NRXN1: variants seen among roughly 807,000 people sequenced by gnomAD.
NRXN1 encodes neurexin 1, also known as neurexin-1.
Under a neutral mutation model 150.9 loss-of-function variants are expected in NRXN1, and 39 were observed. The observed-to-expected ratio is 0.26, with a 90% CI of 0.20 to 0.34. The LOEUF (loss-of-function observed/expected upper bound fraction) is 0.34. Ranked by LOEUF, NRXN1 falls within the 10% of genes least tolerant of loss-of-function variation. NRXN1 has a pLI of 1.00. For missense variants in NRXN1, 1,815 were observed against 1,949.9 expected (o/e 0.93, Z 1.30); for synonymous variants, 924 against 757.0 (o/e 1.22, Z -3.62).
intron 5 of NRXN1, among the ~76,000 whole-genome samples, chr2:50,712,742 A>C (rs1276856911): frequency 6.6e-6 from 1 of 152,106 alleles, no homozygotes; most frequent in African/African-American, 2.4e-5. Context: ...CTGCCCTGTG[A>C]GCTTGGCAGC....
intron 19 of NRXN1, among the ~76,000 whole-genome samples, chr2:50,084,252 CTG>C (rs1698439692): frequency 6.6e-6 from 1 of 152,198 alleles, no homozygotes; most frequent in East Asian, 1.9e-4. Flanking sequence ...GTGGATGAGA[CTG>C]GGTGCCGCGG....
chr2:50,420,961 C>CGTGT, intron 17 of NRXN1, among the ~76,000 whole-genome samples: 1 of 115,550 alleles, frequency 8.7e-6, no homozygotes, highest in East Asian at 2.4e-4. Context: ...TCAAAATAGA[C>CGTGT]CTGTGTGTGT....
At chr2:50,061,418 G>A (rs1390670083) in intron 19 of NRXN1, among the ~76,000 whole-genome samples, 1 of 152,170 alleles carries the variant, frequency 6.6e-6, no homozygotes, top group African/African-American at 2.4e-5. Context: ...GTCAGTGTAA[G>A]CAGGCTTAAG....
chr2:51,019,635 T>C (rs991851642), intron 2 of NRXN1, among the ~76,000 whole-genome samples: 1 of 152,140 alleles, frequency 6.6e-6, no homozygotes. Context: ...AAGTATTTAC[T>C]GAACTCTTAC....
chr2:49,961,707 A>G (rs770700201), intron 21 of NRXN1, among the ~76,000 whole-genome samples: 3 of 152,098 alleles, frequency 2.0e-5, no homozygotes, highest in Non-Finnish European at 4.4e-5. Flanking sequence ...TTGCTGATAC[A>G]GTAGAAAAGT....
At chr2:50,997,189 T>G (rs1391541119) in intron 2 of NRXN1, among the ~76,000 whole-genome samples, 1 of 151,968 alleles carries the variant, frequency 6.6e-6, no homozygotes, top group African/African-American at 2.4e-5. Flanking sequence ...GTTTATTATG[T>G]CTTGGCCTTC....
intron 2 of NRXN1, among the ~76,000 whole-genome samples, chr2:50,989,839 G>A (rs1250845954): frequency 6.6e-6 from 1 of 152,036 alleles, no homozygotes; most frequent in Non-Finnish European, 1.5e-5. Context: ...ATATGTAGGA[G>A]TAGCATTGCT....
At chr2:50,182,251 C>G (rs1433063443) in intron 18 of NRXN1, among the ~76,000 whole-genome samples, 1 of 151,596 alleles carries the variant, frequency 6.6e-6, no homozygotes, top group African/African-American at 2.4e-5. Flanking sequence ...TCTTTTTCTT[C>G]TCTCCTATTC....
intron 18 of NRXN1, among the ~76,000 whole-genome samples, chr2:50,116,034 G>C (rs766233870): frequency 2.0e-4 from 31 of 152,050 alleles, no homozygotes; most frequent in Admixed American, 2.0e-4. Flanking sequence ...TGAAGACATA[G>C]ATTGAAATTA....
At chr2:50,818,781 CAAT>C (rs1290275657) in intron 5 of NRXN1, among the ~76,000 whole-genome samples, 16 of 151,910 alleles carry the variant, frequency 1.1e-4, no homozygotes, top group Non-Finnish European at 1.8e-4. Context: ...TATAAGAAAT[CAAT>C]AACCAAAATA....
intron 11 of NRXN1, among the ~76,000 whole-genome samples, chr2:50,530,788 C>A (rs1467629063): frequency 2.0e-5 from 3 of 152,166 alleles, no homozygotes; most frequent in African/African-American, 7.2e-5. Flanking sequence ...AGAGTAAGAA[C>A]AGCTCTTGAT....
chr2:50,946,439 G>T (rs1690406261), intron 2 of NRXN1, among the ~76,000 whole-genome samples: 1 of 152,038 alleles, frequency 6.6e-6, no homozygotes, highest in South Asian at 2.1e-4. Flanking sequence ...TTTATCTTGT[G>T]GGTGAAGCCA....
At chr2:50,078,550 T>A (rs1697433587) in intron 19 of NRXN1, among the ~76,000 whole-genome samples, 1 of 152,082 alleles carries the variant, frequency 6.6e-6, no homozygotes, top group South Asian at 2.1e-4. Flanking sequence ...TAATGTCCTT[T>A]TTCTATTGCA....
intron 19 of NRXN1, among the ~76,000 whole-genome samples, chr2:50,064,487 CA>C (rs1205079804): frequency 6.7e-5 from 10 of 150,228 alleles, no homozygotes; most frequent in Non-Finnish European, 1.5e-4. Flanking sequence ...TTGATTTGGT[CA>C]GGGGGAAATT....
At chr2:50,145,966 G>GA (rs534830332) in intron 18 of NRXN1, among the ~76,000 whole-genome samples, 30 of 148,390 alleles carry the variant, frequency 2.0e-4, no homozygotes, top group Middle Eastern at 3.4e-3. Context: ...CAAATAGCCA[G>GA]AAAAAAAAAA....
chr2:50,853,457 G>C (rs1195060063), intron 5 of NRXN1, among the ~76,000 whole-genome samples: 4 of 152,036 alleles, frequency 2.6e-5, no homozygotes, highest in African/African-American at 7.2e-5. Flanking sequence ...CGTTTTACTT[G>C]CAAATTTACA....
intron 8 of NRXN1, among the ~76,000 whole-genome samples, chr2:50,579,717 T>C (rs1470752247): frequency 6.6e-6 from 1 of 152,128 alleles, no homozygotes. Flanking sequence ...GTTCACTGTA[T>C]AATGAATACA....
At chr2:50,334,088 C>T (rs1053079649) in intron 17 of NRXN1, among the ~76,000 whole-genome samples, 7 of 151,468 alleles carry the variant, frequency 4.6e-5, no homozygotes, top group African/African-American at 1.7e-4. Context: ...ATATGCTCCT[C>T]TCTGGCAACT....
chr2:50,619,945 A>G, intron 8 of NRXN1, 77 bp downstream of exon 8: 1 of 1,344,606 alleles, frequency 7.4e-7, no homozygotes, highest in Non-Finnish European at 9.9e-7. Flanking sequence ...TCGGGTCTTC[A>G]GCAAAGGTGC....
Sources: gnomAD v4.1 joint callset for allele counts (sites outside exome capture counted in the v4.1 genomes callset) on GRCh38, gnomAD v4.1.1 for gene constraint, MANE v1.5 for transcripts, NCBI Gene and HGNC (gene_info 2026-07-23, HGNC 2026-07-21) for gene names.